The following PDLIM5 variants were observed in gnomAD, a reference collection of about 807,000 sequenced individuals.
PDLIM5 encodes PDZ and LIM domain 5.
Under a neutral mutation model 64.2 loss-of-function variants are expected in PDLIM5, and 34 were observed. The ratio of observed to expected loss-of-function variants is 0.53; its 90% CI spans 0.40 to 0.71. PDLIM5 has a LOEUF of 0.71. Ranked by LOEUF, PDLIM5 falls within the 30% of genes least tolerant of loss-of-function variation. PDLIM5 has a pLI of 0.00. For synonymous variants in PDLIM5, 253 were observed against 269.1 expected, an observed-to-expected ratio of 0.94 and a Z score of 0.59; for missense variants, 683 against 733.6, an observed-to-expected ratio of 0.93 and a Z score of 0.80.
At chr4:94,639,742 A>G (rs1560758481) in intron 8 of PDLIM5, among the ~76,000 whole-genome samples, 1 of 152,208 alleles carries the variant, frequency 6.6e-6, no homozygotes, top group Non-Finnish European at 1.5e-5. Flanking sequence ...TGTCTAGAGA[A>G]TTAGAAATAA....
At position 94,540,169 on chromosome 4, in the gene PDLIM5, C is replaced by T. The variant is rs574757665; in HGVS notation, c.248+16294C>T. ...TTTTTGAGATGGAGTCTCGCTCTGT[C>T]GCCCAGGCTGGAGTGCAGTGGCGCG... On this transcript the variant is annotated intron_variant, in intron 3 of 12. Coordinates refer to ENST00000317968, the MANE Select transcript of PDLIM5 (RefSeq NM_006457.5). Among the ~76,000 whole-genome samples, 9 of 148,240 alleles carry T rather than the reference C, an allele frequency of 6.1e-5. 1 individual carries two copies. The Middle Eastern group carries it at 0.018, about 296-fold the overall frequency.
chr4:94,471,901 T>TTATAAGTATTTGTACTTACAAAGAC (rs1436474247), intron 2 of PDLIM5, among the ~76,000 whole-genome samples: 186 of 149,004 alleles, frequency 1.2e-3, no homozygotes, highest in Non-Finnish European at 2.1e-3. Context: ...CTTACAAAGA[T>TTATAAGTATTTGTACTTACAAAGAC]CTTATAAGTA....
rs1351840625 is a variant in PDLIM5, at chr4:94,618,103, T to C, written c.1020T>C (p.Val340=). Residue 340 remains valine (V), a synonymous_variant, in exon 8 of 13, where the codon GTT becomes GTC. Transcript: ENST00000317968. ...LDSPTSGRPG[V]TSLTAAAAFK... is the part of the protein sequence containing the mutation. ...GCCCAACCTCTGGCAGACCAGGGGT[T>C]ACCAGCCTCACAGCTGCAGCTGCCT... 1 of 1,612,352 alleles carries C rather than the reference T, an allele frequency of 6.2e-7. No homozygotes were observed.
intron 7 of PDLIM5, chr4:94,587,864 C>CT: frequency 1.2e-6 from 1 of 866,978 alleles, no homozygotes; most frequent in South Asian, 5.3e-5. Context: ...GATAGCTTTG[C>CT]TTTTTTTAAT....
At chr4:94,579,605 AT>A in intron 5 of PDLIM5, 1 of 769,666 alleles carries the variant, frequency 1.3e-6, no homozygotes, top group Non-Finnish European at 2.0e-6. Flanking sequence ...TGAATGCCTG[AT>A]TTTTGCAAAA....
intron 9 of PDLIM5, among the ~76,000 whole-genome samples, chr4:94,648,465 CT>C (rs1741585489): frequency 6.6e-6 from 1 of 152,170 alleles, no homozygotes; most frequent in South Asian, 2.1e-4. Flanking sequence ...GGCCACAGGC[CT>C]GCACCACCAT....
At chr4:94,511,839 G>A (rs1277266735) in intron 2 of PDLIM5, among the ~76,000 whole-genome samples, 4 of 152,274 alleles carry the variant, frequency 2.6e-5, no homozygotes, top group African/African-American at 9.6e-5. Context: ...GTACTCCAGT[G>A]TGTATATGTA....
intron 3 of PDLIM5, among the ~76,000 whole-genome samples, chr4:94,559,249 CAG>C (rs1733632559): frequency 6.6e-6 from 1 of 152,112 alleles, no homozygotes; most frequent in Non-Finnish European, 1.5e-5. Flanking sequence ...TAGGTTATAA[CAG>C]ATGTTTTTGG....
chr4:94,650,187 T>G (rs1388440633), intron 9 of PDLIM5, among the ~76,000 whole-genome samples: 2 of 152,186 alleles, frequency 1.3e-5, no homozygotes, highest in Non-Finnish European at 2.9e-5. Flanking sequence ...TGTTTCTCTT[T>G]TACTCTCTTC....
chr4:94,518,180 T>G (rs540421488), intron 2 of PDLIM5, among the ~76,000 whole-genome samples: 32 of 152,254 alleles, frequency 2.1e-4, no homozygotes, highest in African/African-American at 7.7e-4. Context: ...AAGAGAAATC[T>G]TAGATGGTTA....
At chr4:94,629,298 G>A (rs772401585) in intron 8 of PDLIM5, among the ~76,000 whole-genome samples, 19 of 151,866 alleles carry the variant, frequency 1.3e-4, no homozygotes, top group Non-Finnish European at 2.1e-4. Flanking sequence ...ACAGTGAGCC[G>A]AGATCGCGCC....
In PDLIM5 at chr4:94,615,704, C is replaced by T. The variant is rs535262253; in HGVS notation, c.921-2300C>T. 1.8e-4 allele frequency among the ~76,000 whole-genome samples: 27 copies of T among 152,294 alleles called. No homozygotes were observed. In the South Asian group the frequency reaches 4.1e-3, roughly 23 times the overall value. ...TAAATTCGTTGTGCGGCATTCCATC[C>T]TCTGCTTAAGTGGCTTCTGGTGACA... is the stretch of plus-strand genomic sequence containing the variant. On this transcript the variant is annotated intron_variant, in intron 7 of 12. Coordinates refer to ENST00000317968, the MANE Select transcript of PDLIM5 (RefSeq NM_006457.5).
At chr4:94,541,218 C>CT (rs1305527976) in intron 3 of PDLIM5, among the ~76,000 whole-genome samples, 1 of 152,148 alleles carries the variant, frequency 6.6e-6, no homozygotes, top group African/African-American at 2.4e-5. Context: ...TTTCCAATGT[C>CT]TTGGCCTTAG....
intron 3 of PDLIM5, among the ~76,000 whole-genome samples, chr4:94,551,795 G>A (rs1445742126): frequency 6.6e-6 from 1 of 152,056 alleles, no homozygotes. Context: ...GGAAAAAAGT[G>A]GTCACAACTG....
intron 2 of PDLIM5, among the ~76,000 whole-genome samples, chr4:94,493,253 C>A (rs1356240269): frequency 6.6e-6 from 1 of 151,960 alleles, no homozygotes; most frequent in Non-Finnish European, 1.5e-5. Context: ...ATTCTAGATA[C>A]AAGTCCCTTT....
intron 3 of PDLIM5, among the ~76,000 whole-genome samples, chr4:94,536,552 G>A (rs1157398723): frequency 1.3e-5 from 2 of 152,118 alleles, no homozygotes; most frequent in Admixed American, 1.3e-4. Context: ...ACCTACTCCA[G>A]TGCCTACCAC....
At chr4:94,609,646 A>G (rs886718214) in intron 7 of PDLIM5, among the ~76,000 whole-genome samples, 5 of 152,190 alleles carry the variant, frequency 3.3e-5, no homozygotes, top group East Asian at 3.8e-4. Flanking sequence ...ATGTTAATAT[A>G]TATTGCTCCT....
intron 7 of PDLIM5, among the ~76,000 whole-genome samples, chr4:94,600,134 T>C (rs994727227): frequency 1.3e-5 from 2 of 152,002 alleles, no homozygotes; most frequent in Admixed American, 1.3e-4. Context: ...TACAGGAAAA[T>C]GGATACTAGA....
intron 8 of PDLIM5, among the ~76,000 whole-genome samples, chr4:94,627,987 A>G (rs1739839356): frequency 6.6e-6 from 1 of 152,204 alleles, no homozygotes; most frequent in Non-Finnish European, 1.5e-5. Context: ...TGTACTAAGT[A>G]GTTGTTGAAT....
Sources: allele counts gnomAD v4.1 joint callset (sites outside exome capture counted in the v4.1 genomes callset), GRCh38; gene constraint gnomAD v4.1.1; transcripts MANE v1.5; gene names NCBI Gene and HGNC (gene_info 2026-07-23, HGNC 2026-07-21).